GNG7: variants seen among roughly 807,000 people sequenced by gnomAD.
The protein encoded by GNG7 is G protein subunit gamma 7.
In GNG7, 1 loss-of-function variant was observed where a neutral mutation model predicts 4.0. That is an observed-to-expected ratio of 0.25 (90% CI 0.09 to 1.18). The LOEUF (loss-of-function observed/expected upper bound fraction) is 1.18, where lower values mean the gene tolerates loss of function less well. Among genes scored for constraint, GNG7 ranks in the 50% most tolerant of loss-of-function variants. GNG7 has a pLI of 0.50. For synonymous variants in GNG7, 34 were observed against 36.9 expected (o/e 0.92, Z 0.29); for missense variants, 86 against 91.9 (o/e 0.94, Z 0.26).
At chr19:2,663,691 G>T (rs2144881753) in intron 1 of GNG7, among the ~76,000 whole-genome samples, 1 of 152,266 alleles carries the variant, frequency 6.6e-6, no homozygotes, top group Middle Eastern at 3.4e-3. Flanking sequence ...TTCACTGAGG[G>T]CAAATCAGAA....
Position 2,575,427 on chromosome 19 carries a change from T to C in GNG7, c.-77-20239A>G, listed in dbSNP as rs116305759. The stretch of plus-strand genomic sequence containing the variant: ...TGATCTGGAAAGCTCCAGGGAAGTG[T>C]ACAAAGCAGAACGGGCGCCTCCTCA... On this transcript the variant is annotated intron_variant, in intron 2 of 4. Coordinates refer to ENST00000382159, the MANE Select transcript of GNG7 (RefSeq NM_052847.3). Among the ~76,000 whole-genome samples, 430 of 152,228 alleles carry C rather than the reference T, an allele frequency of 2.8e-3. 2 individuals carry two copies. Among genetic ancestry groups the C allele is most frequent in the African/African-American group, 9.8e-3 (408 of 41,502 alleles).
chr19:2,649,956 G>A (rs570814076), intron 1 of GNG7, among the ~76,000 whole-genome samples: 1 of 151,766 alleles, frequency 6.6e-6, no homozygotes, highest in Non-Finnish European at 1.5e-5. Context: ...GTCACACACT[G>A]TGTGGCCTTT....
At chr19:2,594,445 A>AGGAAGGAAGGAAGGAAGGAG (rs1259228739) in intron 2 of GNG7, among the ~76,000 whole-genome samples, 3 of 117,260 alleles carry the variant, frequency 2.6e-5, no homozygotes, top group African/African-American at 1.2e-4. Context: ...GAAGGAAGGA[A>AGGAAGGAAGGAAGGAAGGAG]GGAGGAAGAA....
intron 3 of GNG7, chr19:2,538,022 A>T (rs1978801273): frequency 4.9e-6 from 2 of 411,122 alleles, no homozygotes; most frequent in Non-Finnish European, 9.8e-6. Context: ...GGCTGTAGTG[A>T]GCTATGATTG....
At chr19:2,524,836 G>A (rs8111050) in intron 3 of GNG7, among the ~76,000 whole-genome samples, 64,156 of 151,690 alleles carry the variant, frequency 0.42, 13,865 homozygotes, top group African/African-American at 0.54. Flanking sequence ...TGGCGTGTGT[G>A]TACGTCACTG....
intron 2 of GNG7, among the ~76,000 whole-genome samples, chr19:2,560,935 C>T (rs182082253): frequency 7.2e-5 from 10 of 138,894 alleles, no homozygotes; most frequent in South Asian, 2.3e-4. Flanking sequence ...CCAGCCTGGG[C>T]GACAGAAGGA....
intron 2 of GNG7, among the ~76,000 whole-genome samples, chr19:2,570,960 G>A (rs1980126816): frequency 7.3e-6 from 1 of 137,640 alleles, no homozygotes; most frequent in African/African-American, 3.2e-5. Flanking sequence ...ACCACGCCTG[G>A]CTAATGTTTG....
chr19:2,553,709 T>C (rs987155584), intron 3 of GNG7, among the ~76,000 whole-genome samples: 2 of 130,744 alleles, frequency 1.5e-5, no homozygotes, highest in Non-Finnish European at 1.6e-5. Context: ...ACATTACATA[T>C]AATATATTAC....
chr19:2,539,951 GCCTT>G (rs377046191), intron 3 of GNG7, among the ~76,000 whole-genome samples: 9 of 113,130 alleles, frequency 8.0e-5, no homozygotes, highest in African/African-American at 3.1e-4. Context: ...TCTCCTTCCT[GCCTT>G]CCTTCCTTCC....
intron 1 of GNG7, among the ~76,000 whole-genome samples, chr19:2,696,223 A>C (rs1392914746): frequency 6.8e-6 from 1 of 147,180 alleles, no homozygotes. Flanking sequence ...GGAAGAGAGG[A>C]GAGAGAGGAG....
rs529242589 is a variant in GNG7 at position 2,688,169 on chromosome 19, T to G, written c.-135+14477A>C. 3.0e-3 allele frequency among the ~76,000 whole-genome samples: 451 copies of G among 152,106 alleles called. 2 individuals carry two copies. Among genetic ancestry groups the G allele is most frequent in the African/African-American group, 0.01 (416 of 41,510 alleles). On this transcript the variant is annotated intron_variant, in intron 1 of 4. Coordinates refer to ENST00000382159, the MANE Select transcript of GNG7 (RefSeq NM_052847.3). ...TCGGGAGGCTGAGGCAGGAGAATGG[T>G]GTAAACCCAGGAGGTGGAGCTTGCA...
At chr19:2,565,206 C>T (rs1175258715) in intron 2 of GNG7, among the ~76,000 whole-genome samples, 2 of 152,026 alleles carry the variant, frequency 1.3e-5, no homozygotes, top group Non-Finnish European at 2.9e-5. Flanking sequence ...CGTGTGCACC[C>T]TGCAGGCTCA....
In GNG7 at chr19:2,557,325, GCA is replaced by G. The variant is rs71929279; in HGVS notation, c.-77-2139_-77-2138del. Among the ~76,000 whole-genome samples the G allele has an allele frequency of 0.23, 33,690 of 149,726 alleles. 3,899 individuals are homozygous for G. Among genetic ancestry groups the G allele is most frequent in the South Asian group, 0.3 (1,421 of 4,776 alleles). ...CACATACACGCACAGACACACATGTGCACACAGACACACACATGTGCACACAC... is the reference window on the plus strand; with the variant it reads ...CACATACACGCACAGACACACATGTGCACAGACACACACATGTGCACACAC... On this transcript the variant is annotated intron_variant, in intron 2 of 4. Transcript: ENST00000382159. This position sits in a 1 kb window ranked among gnomAD's most constrained non-coding sequence, Gnocchi z 5.1.
chr19:2,609,552 T>G lies in GNG7; in HGVS notation c.-78+36672A>C, dbSNP rs959243106. ...ATTTTGGCCATTGCTGGAATCCCGT[T>G]GTGCAGGACAGCTGGGTGGATTGCA... On this transcript the variant is annotated intron_variant, in intron 2 of 4. Coordinates refer to ENST00000382159, the MANE Select transcript of GNG7 (RefSeq NM_052847.3). This position sits in a 1 kb window ranked among gnomAD's most constrained non-coding sequence, Gnocchi z 4.4. Among the ~76,000 whole-genome samples the G allele has an allele frequency of 1.2e-4, 19 of 152,196 alleles. No individual in the cohort carries two copies. The highest frequency in any genetic ancestry group is 4.3e-4 in the African/African-American group (18 of 41,454).
rs548184383 is a variant in GNG7 at position 2,576,537 on chromosome 19, T to TTATG, written c.-77-21353_-77-21350dup. On this transcript the variant is annotated intron_variant, in intron 2 of 4. Transcript: ENST00000382159. ...ACTAAACTTGGTCTTTTTTATTTTA[T>TTATG]TATGTATTTATTTATTTATTTATTT... Among the ~76,000 whole-genome samples the TTATG allele has an allele frequency of 4.4e-3, 663 of 151,514 alleles. 5 individuals carry two copies. Among genetic ancestry groups the TTATG allele is most frequent in the African/African-American group, 0.016 (638 of 40,826 alleles).
rs186648537 is a variant in GNG7, at chr19:2,617,354, C to T, written c.-78+28870G>A. On this transcript the variant is annotated intron_variant, in intron 2 of 4. Transcript: ENST00000382159. This position sits in a 1 kb window ranked among gnomAD's most constrained non-coding sequence, Gnocchi z 4.7. ...TCACCAGCCATCCAGGCACTGAGCC[C>T]GGCCCAGCCCTGCAGCTCTGACCCT... Among the ~76,000 whole-genome samples the T allele has an allele frequency of 8.5e-5, 13 of 152,336 alleles. No individual in the cohort carries two copies. Among genetic ancestry groups the T allele is most frequent in the Admixed American group, 2.6e-4 (4 of 15,298 alleles).
At position 2,653,948 on chromosome 19, in the gene GNG7, G is replaced by A. The variant is rs990592741; in HGVS notation, c.-134-7668C>T. Among the ~76,000 whole-genome samples, 8 of 152,312 alleles carry A rather than the reference G, an allele frequency of 5.3e-5. 1 individual carries two copies. ...AGCTCTCGCCTGCCTCGGCGAGCCC[G>A]GGTTCCAGAAGATGTGCCCAGCACC... On this transcript the variant is annotated intron_variant, in intron 1 of 4. Coordinates refer to ENST00000382159, the MANE Select transcript of GNG7 (RefSeq NM_052847.3). The surrounding 1 kb of genome is among the most constrained non-coding windows in gnomAD (Gnocchi z 4.8).
chr19:2,697,644 T>C (rs527787715), intron 1 of GNG7, among the ~76,000 whole-genome samples: 1 of 152,138 alleles, frequency 6.6e-6, no homozygotes, highest in South Asian at 2.1e-4. Flanking sequence ...GACGCAGAAT[T>C]GCAGAAATCA....
At position 2,546,551 on chromosome 19, in the gene GNG7, G is replaced by A. The variant is rs1979132937; in HGVS notation, c.-38+8598C>T. ...CTCTCAGGCTAAATCGGTCCCCGGG[G>A]CAGCTATATTTAGAAGGGGCTAAAG... On this transcript the variant is annotated intron_variant, in intron 3 of 4. Coordinates refer to ENST00000382159, the MANE Select transcript of GNG7 (RefSeq NM_052847.3). The surrounding 1 kb of genome is among the most constrained non-coding windows in gnomAD (Gnocchi z 6.3). Among the ~76,000 whole-genome samples the A allele has an allele frequency of 6.6e-6, 1 of 152,204 alleles. No homozygotes were observed. The highest frequency in any genetic ancestry group is 3.2e-3 in the Middle Eastern group (1 of 316).
Sources: allele counts gnomAD v4.1 joint callset (sites outside exome capture counted in the v4.1 genomes callset), GRCh38; gene constraint gnomAD v4.1.1; non-coding constraint Gnocchi (gnomAD v3.1); transcripts MANE v1.5; gene names NCBI Gene and HGNC (gene_info 2026-07-23, HGNC 2026-07-21).